Variants in AP2A2 observed in about 807,000 individuals in gnomAD.
AP2A2 encodes the protein adaptor related protein complex 2 subunit alpha 2.
Under a neutral mutation model 104.2 loss-of-function variants are expected in AP2A2, and 32 were observed. That is an observed-to-expected ratio of 0.31 (90% CI 0.23 to 0.41). AP2A2 has a LOEUF of 0.41. AP2A2 is among the 10% of genes least tolerant of loss of function. The pLI is 1.00. For missense variants in AP2A2, 912 were observed against 1,261.0 expected, an observed-to-expected ratio of 0.72 and a Z score of 4.19; for synonymous variants, 539 against 533.3, an observed-to-expected ratio of 1.01 and a Z score of -0.15.
chr11:945,422 C>A (rs1230603686), intron 1 of AP2A2, among the ~76,000 whole-genome samples: 1 of 152,144 alleles, frequency 6.6e-6, no homozygotes, highest in Non-Finnish European at 1.5e-5. Flanking sequence ...CAACCTCCAC[C>A]TCCTGGGTTC....
In AP2A2 at chr11:963,555, A is replaced by G. The variant is rs534550081; in HGVS notation, c.136+4050A>G. 1.5e-4 allele frequency among the ~76,000 whole-genome samples: 23 copies of G among 152,326 alleles called. No individual in the cohort carries two copies. The South Asian group carries it at 4.1e-3, about 27-fold the overall frequency. ...GCTGTTTCACTTGCTCACTGACCGC[A>G]TGTGGCATGAGGCTGCTGTGTGAGC... On this transcript the variant is annotated intron_variant, in intron 2 of 21. Transcript: ENST00000448903.
At chr11:955,859 G>T (rs1342160156) in intron 1 of AP2A2, among the ~76,000 whole-genome samples, 2 of 152,250 alleles carry the variant, frequency 1.3e-5, no homozygotes, top group Admixed American at 6.5e-5. Context: ...TCGGCCCTGT[G>T]ACTGCGTAGG....
In AP2A2 at chr11:1,011,303, C is replaced by G. The variant is rs1441156201; in HGVS notation, c.*678C>G. 1 of 518,836 alleles carries G rather than the reference C, an allele frequency of 1.9e-6. No homozygotes were observed. The highest frequency in any genetic ancestry group is 3.8e-6 in the Non-Finnish European group (1 of 259,856). 32.1% of individuals were successfully genotyped at this position (518,836 alleles called of 1,614,324 possible). ...AGTCGCCGAGGCCTTGGATGTGCAG[C>G]CAGGGGAGGAGCGTCCTGCCGGCCC... On this transcript the variant is annotated 3_prime_UTR_variant, in exon 22 of 22. Coordinates refer to ENST00000448903, the MANE Select transcript of AP2A2 (RefSeq NM_012305.4).
At chr11:935,037 T>G (rs943869692) in intron 1 of AP2A2, among the ~76,000 whole-genome samples, 2 of 147,394 alleles carry the variant, frequency 1.4e-5, no homozygotes, top group Non-Finnish European at 3.0e-5. Flanking sequence ...TTTTGTATTT[T>G]TGGTAGAGAT....
chr11:971,060 T>C (rs189044739), intron 3 of AP2A2, among the ~76,000 whole-genome samples: 39 of 152,308 alleles, frequency 2.6e-4, no homozygotes, highest in Admixed American at 2.2e-3. Context: ...AGACTGTAGA[T>C]GTCTTGGGGT....
intron 1 of AP2A2, among the ~76,000 whole-genome samples, chr11:954,346 G>A (rs1024022191): frequency 1.3e-5 from 2 of 152,026 alleles, no homozygotes; most frequent in African/African-American, 4.8e-5. Flanking sequence ...GCCTGCCCTC[G>A]TTTTAAAGTG....
chr11:1,004,194 C>T (rs1856122697), intron 16 of AP2A2, among the ~76,000 whole-genome samples: 1 of 152,208 alleles, frequency 6.6e-6, no homozygotes. Flanking sequence ...AAACAAGCAG[C>T]CTGTGCAGTG....
rs1856410121 is a variant in AP2A2 at position 1,011,008 on chromosome 11, G to A, written c.*383G>A. ...CGCCTCGGAGCCTCTGGGAGCAGCA[G>A]TGCCACTGTGCATGGCGTGGGCTGA... On this transcript the variant is annotated 3_prime_UTR_variant, in exon 22 of 22. Coordinates refer to ENST00000448903, the MANE Select transcript of AP2A2 (RefSeq NM_012305.4). 1.5e-6 allele frequency: 1 copy of A among 688,244 alleles called. No individual in the cohort carries two copies. Among genetic ancestry groups the A allele is most frequent in the African/African-American group, 1.7e-5 (1 of 57,786 alleles). The allele number at this position is 688,244 out of a possible 1,614,324, so 42.6% of individuals were successfully genotyped here.
intron 15 of AP2A2, among the ~76,000 whole-genome samples, chr11:1,002,622 G>A (rs1856065380): frequency 6.6e-6 from 1 of 152,258 alleles, no homozygotes; most frequent in African/African-American, 2.4e-5. Context: ...GGCCCCAAGA[G>A]CGAGCCAAGG....
At chr11:967,371 TA>T (rs1440365022) in intron 2 of AP2A2, among the ~76,000 whole-genome samples, 1 of 152,074 alleles carries the variant, frequency 6.6e-6, no homozygotes. Context: ...TATTTTATTT[TA>T]TTTTTTTGAG....
At chr11:984,488 A>G (rs2133705154) in intron 6 of AP2A2, among the ~76,000 whole-genome samples, 157 bp from the exon 7 acceptor site, 1 of 152,292 alleles carries the variant, frequency 6.6e-6, no homozygotes. Context: ...CGGCGAACCC[A>G]GGGGGTACCA....
At chr11:988,875 G>A in intron 10 of AP2A2, 186 bp downstream of exon 10, 2 of 769,152 alleles carry the variant, frequency 2.6e-6, no homozygotes, top group Non-Finnish European at 4.1e-6. Context: ...GGCACCTGTG[G>A]TCCCCGCTAC....
intron 4 of AP2A2, among the ~76,000 whole-genome samples, chr11:974,792 C>T (rs774833347): frequency 1.3e-5 from 2 of 151,954 alleles, no homozygotes; most frequent in African/African-American, 2.4e-5. Flanking sequence ...CGAGACCATC[C>T]TGGCCAACAT....
intron 1 of AP2A2, among the ~76,000 whole-genome samples, chr11:935,230 A>G (rs1043614919): frequency 1.3e-5 from 2 of 151,452 alleles, no homozygotes; most frequent in Non-Finnish European, 2.9e-5. Flanking sequence ...TAATTTTTGT[A>G]TTTTTTTTAG....
chr11:995,252 G>GTGAGT, intron 14 of AP2A2: 1 of 454,516 alleles, frequency 2.2e-6, no homozygotes, highest in South Asian at 1.5e-5. Flanking sequence ...GTTTTATGTA[G>GTGAGT]TGAGTTGGGT....
At position 993,897 on chromosome 11, in the gene AP2A2, A is replaced by G. The variant is rs1855751880; in HGVS notation, c.1694A>G (p.Asp565Gly). 6.2e-7 allele frequency: 1 copy of G among 1,611,326 alleles called. No homozygotes were observed. Among genetic ancestry groups the G allele is most frequent in the East Asian group, 2.2e-5 (1 of 44,852 alleles). The change falls in exon 13 of 22, where the codon GAC becomes GGC. Residue 565 changes from aspartate (D) to glycine (G), a missense_variant. By Grantham distance (94) the Asp-to-Gly change is moderately conservative (BLOSUM62 -1). Coordinates refer to ENST00000448903, the MANE Select transcript of AP2A2 (RefSeq NM_012305.4). This position sits in a 1 kb window ranked among gnomAD's most constrained non-coding sequence, Gnocchi z 8.2. ...KPTIQDVLRS[D>G]SQLRNADVEL... The stretch of plus-strand genomic sequence containing the variant: ...ACCATCCAGGACGTGCTGCGCAGCG[A>G]CAGCCAGCTCAGGAACGCAGACGTG...
At chr11:944,387 T>C (rs1853761809) in intron 1 of AP2A2, among the ~76,000 whole-genome samples, 1 of 152,210 alleles carries the variant, frequency 6.6e-6, no homozygotes, top group South Asian at 2.1e-4. Flanking sequence ...TGCCAGGCAC[T>C]TCCCAGGATT....
intron 1 of AP2A2, among the ~76,000 whole-genome samples, chr11:951,620 C>G (rs1442441645): frequency 2.6e-5 from 4 of 152,072 alleles, no homozygotes; most frequent in Non-Finnish European, 5.9e-5. Flanking sequence ...TTTCACACTT[C>G]TCATCACAGC....
At chr11:1,000,719 T>TG (rs2133769819) in intron 15 of AP2A2, 121 bp downstream of exon 15, 1 of 1,128,112 alleles carries the variant, frequency 8.9e-7, no homozygotes, top group South Asian at 1.6e-5. Flanking sequence ...GATTACTGCC[T>TG]GGGGGAGAGA....
Sources: allele counts gnomAD v4.1 joint callset (sites outside exome capture counted in the v4.1 genomes callset), GRCh38; gene constraint gnomAD v4.1.1; non-coding constraint Gnocchi (gnomAD v3.1); transcripts MANE v1.5; gene names NCBI Gene and HGNC (gene_info 2026-07-23, HGNC 2026-07-21).